Variants in CBARP observed in about 807,000 individuals in gnomAD.
The protein encoded by CBARP is voltage-dependent calcium channel beta subunit-associated regulatory protein.
Under a neutral mutation model 36.3 loss-of-function variants are expected in CBARP, and 24 were observed. That is an observed-to-expected ratio of 0.66 (90% CI 0.48 to 0.93). CBARP has a LOEUF of 0.93. CBARP is among the 40% of genes least tolerant of loss of function. The pLI is 0.00. For synonymous variants in CBARP, 586 were observed against 453.2 expected (o/e 1.29, Z -3.72); for missense variants, 1,146 against 980.4 (o/e 1.17, Z -2.26).
chr19:1,230,306 G>A (rs1599939318), intron 9 of CBARP, 164 bp from the exon 10 acceptor site: 7 of 990,734 alleles, frequency 7.1e-6, no homozygotes, highest in Non-Finnish European at 7.2e-6. Context: ...TTTTGCAGGG[G>A]ATGCGTCTTG....
intron 9 of CBARP, chr19:1,230,361 C>T: frequency 1.0e-6 from 1 of 986,752 alleles, no homozygotes; most frequent in Non-Finnish European, 1.2e-6. Flanking sequence ...CAGGGTGCCT[C>T]CATGCTGGAC....
At chr19:1,230,503 A>G in intron 9 of CBARP, 1 of 1,013,760 alleles carries the variant, frequency 9.9e-7, no homozygotes. Context: ...GGTTGAGTCC[A>G]GCTCAGCCCC....
At chr19:1,236,170 A>G (rs2080970060) in intron 1 of CBARP, 49 bp from the exon 2 acceptor site, 7 of 1,370,800 alleles carry the variant, frequency 5.1e-6, no homozygotes, top group Non-Finnish European at 6.6e-6. Context: ...CTTCTCCTGC[A>G]GGAGCCACTG....
chr19:1,237,359 G>A (rs892125793), intron 1 of CBARP, among the ~76,000 whole-genome samples: 7 of 152,138 alleles, frequency 4.6e-5, no homozygotes, highest in Non-Finnish European at 1.0e-4. Context: ...GTGACCGGAG[G>A]CCGGGGAAGA....
intron 8 of CBARP, among the ~76,000 whole-genome samples, chr19:1,232,637 C>G (rs1237387996): frequency 6.6e-6 from 1 of 152,204 alleles, no homozygotes; most frequent in Non-Finnish European, 1.5e-5. Flanking sequence ...CCTGCCTGAC[C>G]CAAGGCCTGC....
At chr19:1,231,034 A>AGG in intron 9 of CBARP, 67 bp downstream of exon 9, 1 of 1,546,696 alleles carries the variant, frequency 6.5e-7, no homozygotes, top group Non-Finnish European at 8.8e-7. Context: ...TGGGCCGCCT[A>AGG]GGGGGGGGCG....
chr19:1,235,907 G>A lies in CBARP; in HGVS notation c.117C>T (p.Asp39=), dbSNP rs763428574. 8.1e-6 allele frequency: 13 copies of A among 1,611,634 alleles called. 1 individual carries two copies. In the East Asian group the frequency reaches 2.4e-4, roughly 30 times the overall value. Residue 39 remains aspartate, a synonymous_variant, in exon 3 of 10, where the codon GAC becomes GAT. Transcript: ENST00000650044. ...GCAGCACGTAGTTGTCCAGGATGGG[G>A]TCTGGCTCTGCCTGCGGGTGTGCAG... is the stretch of plus-strand genomic sequence containing the variant. The part of the protein sequence containing the change: ...NATGRPTAEP[D]PILDNYVLLV...
chr19:1,235,226 G>T lies in CBARP; in HGVS notation c.311-81C>A, dbSNP rs1376946784. The T allele has an allele frequency of 2.2e-6, 3 of 1,352,642 alleles. No individual in the cohort carries two copies. The South Asian group carries it at 5.3e-5, about 24-fold the overall frequency. 83.8% of individuals were successfully genotyped at this position (1,352,642 alleles called of 1,614,324 possible). A position where few individuals can be genotyped will look rare whatever the true frequency, so the allele number is the denominator to read the frequency against. ...TCCCGGGAGGGCTGCTCCTCCGGGCGGCCACGGCAGGGAGGGCTGGGGCCG... is the reference window on the plus strand; with the variant it reads ...TCCCGGGAGGGCTGCTCCTCCGGGCTGCCACGGCAGGGAGGGCTGGGGCCG... On this transcript the variant is annotated intron_variant, in intron 4 of 9. Coordinates refer to ENST00000650044, the MANE Select transcript of CBARP (RefSeq NM_001393918.1).
chr19:1,234,514 G>C, intron 6 of CBARP, 57 bp downstream of exon 6: 2 of 1,522,654 alleles, frequency 1.3e-6, no homozygotes, highest in Non-Finnish European at 1.8e-6. Context: ...GGGTCCGGGA[G>C]TCCCCGGGGC....
rs1335127766 is a variant in CBARP at position 1,235,548 on chromosome 19, T to C, written c.263A>G (p.Glu88Gly). 1 of 1,606,570 alleles carries C rather than the reference T, an allele frequency of 6.2e-7. No homozygotes were observed. The highest frequency in any genetic ancestry group is 8.5e-7 in the Non-Finnish European group (1 of 1,177,202). ...QRLNRAMEEA[E>G]KTTTTYLDNG... is the part of the protein sequence containing the mutation. Reference sequence around the variant, plus strand: ...GTCCAGGTAGGTGGTGGTGGTCTTCTCCGCTTCCTCCATGGCCCTGGGAGA... The same window carrying C: ...GTCCAGGTAGGTGGTGGTGGTCTTCCCCGCTTCCTCCATGGCCCTGGGAGA... The change falls in exon 4 of 10, where the codon GAG becomes GGG. Residue 88 changes from glutamate (E) to glycine (G), a missense_variant. By Grantham distance (98) the Glu-to-Gly change is moderately conservative. Coordinates refer to ENST00000650044, the MANE Select transcript of CBARP (RefSeq NM_001393918.1).
intron 9 of CBARP, 71 bp from the exon 10 acceptor site, chr19:1,230,213 C>T: frequency 1.0e-6 from 1 of 994,800 alleles, no homozygotes; most frequent in East Asian, 1.1e-4. Context: ...CATCCCGCCT[C>T]TGGATCAGGG....
rs1337070835 is a variant in CBARP at position 1,234,183 on chromosome 19, G to A, written c.768+8C>T. 1 of 1,512,416 alleles carries A rather than the reference G, an allele frequency of 6.6e-7. No homozygotes were observed. The highest frequency in any genetic ancestry group is 2.4e-5 in the East Asian group (1 of 41,714). The allele number at this position is 1,512,416 out of a possible 1,614,324, so 93.7% of individuals were successfully genotyped here. ...TGGACACCATGGGGGACACGCAGGG[G>A]CCCTCACCGAGGTGCCTTCCCCAGA... On this transcript the variant is annotated splice_region_variant and intron_variant, in intron 7 of 9. Coordinates refer to ENST00000650044, the MANE Select transcript of CBARP (RefSeq NM_001393918.1).
At chr19:1,233,877 G>A (rs2080926360) in intron 7 of CBARP, among the ~76,000 whole-genome samples, 2 of 152,234 alleles carry the variant, frequency 1.3e-5, no homozygotes, top group African/African-American at 4.8e-5. Flanking sequence ...GAGAAAAGGA[G>A]GTGCGTGTCT....
At position 1,229,096 on chromosome 19, in the gene CBARP, T is replaced by A; in HGVS notation, c.*83A>T. The A allele has an allele frequency of 2.3e-6, 1 of 443,814 alleles. No individual in the cohort carries two copies. The highest frequency in any genetic ancestry group is 6.6e-5 in the South Asian group (1 of 15,238). The allele number at this position is 443,814 out of a possible 1,614,324, so 27.5% of individuals were successfully genotyped here. On this transcript the variant is annotated 3_prime_UTR_variant, in exon 10 of 10. Transcript: ENST00000650044. The surrounding 1 kb of genome is among the most constrained non-coding windows in gnomAD (Gnocchi z 5.1). Reference sequence around the variant, plus strand: ...GTCCCCGCGCATTCGCGTCGGGGCGTCGCGCCCCCACGTCTCTCCCGCCGC... The same window carrying A: ...GTCCCCGCGCATTCGCGTCGGGGCGACGCGCCCCCACGTCTCTCCCGCCGC...
chr19:1,233,531 T>C lies in CBARP; in HGVS notation c.874A>G (p.Thr292Ala), dbSNP rs753173890. 6.3e-7 allele frequency: 1 copy of C among 1,576,280 alleles called. No homozygotes were observed. The highest frequency in any genetic ancestry group is 2.3e-5 in the East Asian group (1 of 42,560). Residue 292 changes from threonine to alanine, a missense_variant, in exon 8 of 10, where the codon ACC (threonine) becomes GCC (alanine). Physicochemically the swap from Thr to Ala is moderately conservative, Grantham distance 58. Transcript: ENST00000650044. The part of the protein sequence containing the change: ...SGAGTVLQFL[T>A]RLRRHASLDG... ...AGGCTGGCATGGCGGCGCAGGCGGG[T>C]GAGGAACTGCAGAACGGTACCTGCC...
chr19:1,230,056 T>G lies in CBARP; in HGVS notation c.1241A>C (p.Gln414Pro), dbSNP rs972178633. 3.8e-5 allele frequency: 46 copies of G among 1,210,514 alleles called. No homozygotes were observed. The highest frequency in any genetic ancestry group is 3.5e-4 in the Middle Eastern group (1 of 2,860). 75.0% of individuals were successfully genotyped at this position (1,210,514 alleles called of 1,614,324 possible). ...CTCGGCGTCCGGCTCCAGTGGCGGC[T>G]GCTGCTGCTCAGGCCCCGCGCTGCC... is the stretch of plus-strand genomic sequence containing the variant. ...GAGSAGPEQQ[Q>P]PPLEPDAERD... Residue 414 changes from glutamine (Q) to proline (P), a missense_variant, in exon 10 of 10, where the codon CAG becomes CCG. By Grantham distance (76) the Gln-to-Pro change is moderately conservative (BLOSUM62 -1). Coordinates refer to ENST00000650044, the MANE Select transcript of CBARP (RefSeq NM_001393918.1).
chr19:1,234,858 T>C (rs952663378), intron 5 of CBARP, 116 bp from the exon 6 acceptor site: 27 of 1,504,694 alleles, frequency 1.8e-5, no homozygotes, highest in Non-Finnish European at 2.4e-5. Context: ...GGGGGGCAAC[T>C]GGCCAAGGCC....
In CBARP at chr19:1,229,707, G is replaced by A; in HGVS notation, c.1590C>T (p.Arg530=). ...PAAPARPRSP[R]AWPRRPRRDY... ...CGCGGCGCGGGCGGCGGGGCCAGGCGCGCGGGCTGCGGGGCCGGGCGGGCG... is the reference window on the plus strand; with the variant it reads ...CGCGGCGCGGGCGGCGGGGCCAGGCACGCGGGCTGCGGGGCCGGGCGGGCG... Residue 530 remains arginine (R), a synonymous_variant, in exon 10 of 10, where the codon CGC becomes CGT. Coordinates refer to ENST00000650044, the MANE Select transcript of CBARP (RefSeq NM_001393918.1). The surrounding 1 kb of genome is among the most constrained non-coding windows in gnomAD (Gnocchi z 5.1). 2.0e-6 allele frequency: 2 copies of A among 996,690 alleles called. No individual in the cohort carries two copies. The highest frequency in any genetic ancestry group is 2.4e-6 in the Non-Finnish European group (2 of 835,886). The allele number at this position is 996,690 out of a possible 1,614,324, so 61.7% of individuals were successfully genotyped here. A position where few individuals can be genotyped will look rare whatever the true frequency, so the allele number is the denominator to read the frequency against.
Position 1,234,583 on chromosome 19 carries a change from C to T in CBARP, c.615G>A (p.Leu205=). ...PHPATSPKAT[L]AIFQPPGKAL... The stretch of plus-strand genomic sequence containing the variant: ...CCCATAGGCTCACCTGGAAGATGGC[C>T]AGAGTGGCCTTGGGAGAGGTGGCCG... Residue 205 remains leucine (L), a synonymous_variant, in exon 6 of 10, where the codon CTG becomes CTA. Transcript: ENST00000650044. 1 of 1,605,104 alleles carries T rather than the reference C, an allele frequency of 6.2e-7. No individual in the cohort carries two copies. Among genetic ancestry groups the T allele is most frequent in the East Asian group, 2.2e-5 (1 of 44,564 alleles).
Sources: allele counts gnomAD v4.1 joint callset (sites outside exome capture counted in the v4.1 genomes callset), GRCh38; gene constraint gnomAD v4.1.1; non-coding constraint Gnocchi (gnomAD v3.1); transcripts MANE v1.5; gene names NCBI Gene and HGNC (gene_info 2026-07-23, HGNC 2026-07-21).